NELL2: variants seen among roughly 807,000 people sequenced by gnomAD.
NELL2 encodes neural EGFL like 2, also known as protein kinase C-binding protein NELL2.
A neutral mutation model predicts 109.6 loss-of-function variants in NELL2; 41 were observed. That is an observed-to-expected ratio of 0.37 (90% CI 0.29 to 0.49). NELL2 has a LOEUF of 0.49. NELL2 is among the 20% of genes least tolerant of loss of function. The pLI, the probability that NELL2 is intolerant of heterozygous loss-of-function variation, is 0.98. For missense variants in NELL2, 900 were observed against 1,008.3 expected (o/e 0.89, Z 1.45); for synonymous variants, 355 against 344.7 (o/e 1.03, Z -0.33).
chr12:44,641,298 A>G (rs1463996718), intron 13 of NELL2, among the ~76,000 whole-genome samples: 1 of 152,230 alleles, frequency 6.6e-6, no homozygotes, highest in African/African-American at 2.4e-5. Flanking sequence ...CTTATTATTA[A>G]AAGATTGTAT....
intron 1 of NELL2, among the ~76,000 whole-genome samples, chr12:44,904,581 A>T (rs1024859570): frequency 6.6e-6 from 1 of 152,102 alleles, no homozygotes; most frequent in African/African-American, 2.4e-5. Flanking sequence ...TGAAAAAGAA[A>T]GGCCTTCCTC....
At chr12:44,867,474 T>A (rs1490906470) in intron 2 of NELL2, among the ~76,000 whole-genome samples, 1 of 152,168 alleles carries the variant, frequency 6.6e-6, no homozygotes, top group African/African-American at 2.4e-5. Flanking sequence ...AAGAAATGTA[T>A]CTCAACACAA....
chr12:44,891,008 G>A (rs1164392413), intron 1 of NELL2, among the ~76,000 whole-genome samples: 1 of 152,178 alleles, frequency 6.6e-6, no homozygotes, highest in Non-Finnish European at 1.5e-5. Context: ...AGGACTACAG[G>A]CGTAAGCCAC....
intron 2 of NELL2, among the ~76,000 whole-genome samples, chr12:44,848,598 A>G (rs1164988165): frequency 6.6e-6 from 1 of 152,086 alleles, no homozygotes; most frequent in African/African-American, 2.4e-5. Context: ...AAAGATCTCA[A>G]GTCTTTGTTT....
intron 1 of NELL2, among the ~76,000 whole-genome samples, chr12:44,897,695 T>C (rs1057506819): frequency 1.6e-4 from 25 of 151,914 alleles, no homozygotes; most frequent in African/African-American, 6.0e-4. Flanking sequence ...TGGGCAGCCA[T>C]TTGGGCAGAC....
chr12:44,644,647 T>TAC (rs1244755047), intron 13 of NELL2, among the ~76,000 whole-genome samples: 10 of 136,326 alleles, frequency 7.3e-5, no homozygotes, highest in Non-Finnish European at 1.1e-4. Context: ...TATATATATA[T>TAC]ATACACACAC....
At chr12:44,606,167 G>A (rs183320316) in intron 15 of NELL2, among the ~76,000 whole-genome samples, 1 of 152,266 alleles carries the variant, frequency 6.6e-6, no homozygotes, top group African/African-American at 2.4e-5. Flanking sequence ...ATCTAGTGAT[G>A]TAAGCCCTTT....
At chr12:44,625,094 G>C (rs867598788) in intron 13 of NELL2, among the ~76,000 whole-genome samples, 4 of 147,754 alleles carry the variant, frequency 2.7e-5, no homozygotes, top group Non-Finnish European at 4.5e-5. Flanking sequence ...ATTTATTTTG[G>C]GGATAGGAAA....
chr12:44,727,680 G>A (rs970508411), intron 9 of NELL2, among the ~76,000 whole-genome samples: 6 of 151,968 alleles, frequency 3.9e-5, no homozygotes, highest in South Asian at 2.1e-4. Flanking sequence ...GAGGTATATC[G>A]TATTTTATTC....
At chr12:44,746,775 C>T (rs989519547) in intron 9 of NELL2, among the ~76,000 whole-genome samples, 73 of 152,188 alleles carry the variant, frequency 4.8e-4, no homozygotes, top group African/African-American at 1.5e-3. Flanking sequence ...GTTAGAATGG[C>T]GATCATTAAA....
chr12:44,563,212 T>C (rs2136185135), intron 15 of NELL2, among the ~76,000 whole-genome samples: 1 of 152,104 alleles, frequency 6.6e-6, no homozygotes, highest in South Asian at 2.1e-4. Flanking sequence ...ATACCTAATG[T>C]AGATGACAGG....
chr12:44,795,797 T>C (rs1309712516), intron 3 of NELL2, among the ~76,000 whole-genome samples: 1 of 152,208 alleles, frequency 6.6e-6, no homozygotes, highest in Non-Finnish European at 1.5e-5. Context: ...TCATTTATTA[T>C]AGAAAATTGG....
intron 12 of NELL2, among the ~76,000 whole-genome samples, chr12:44,687,649 G>A (rs1948771058): frequency 6.6e-6 from 1 of 152,198 alleles, no homozygotes; most frequent in African/African-American, 2.4e-5. Flanking sequence ...CTCCAAGCAA[G>A]CAGTTGTTAA....
At chr12:44,514,599 A>G (rs1941169603) in intron 19 of NELL2, among the ~76,000 whole-genome samples, 1 of 151,710 alleles carries the variant, frequency 6.6e-6, no homozygotes, top group Admixed American at 6.6e-5. Flanking sequence ...AGGTATGTAT[A>G]GAAAAAACAT....
chr12:44,637,464 C>T (rs1229065833), intron 13 of NELL2, among the ~76,000 whole-genome samples: 1 of 143,836 alleles, frequency 7.0e-6, no homozygotes, highest in Non-Finnish European at 1.5e-5. Flanking sequence ...AGCTGATACA[C>T]AAATCACAGT....
intron 9 of NELL2, among the ~76,000 whole-genome samples, chr12:44,742,263 G>A (rs912204321): frequency 3.3e-5 from 5 of 152,240 alleles, no homozygotes; most frequent in African/African-American, 9.6e-5. Context: ...TCTGTTGGAA[G>A]GAAAACTAAC....
At chr12:44,884,242 T>C (rs1407474409) in intron 1 of NELL2, among the ~76,000 whole-genome samples, 1 of 151,834 alleles carries the variant, frequency 6.6e-6, no homozygotes, top group Non-Finnish European at 1.5e-5. Context: ...AAGAGGTACA[T>C]TACAGAATAA....
At chr12:44,518,895 T>C (rs551753453) in intron 19 of NELL2, among the ~76,000 whole-genome samples, 2 of 152,374 alleles carry the variant, frequency 1.3e-5, no homozygotes, top group South Asian at 2.1e-4. Flanking sequence ...AATTTGCTAA[T>C]GCATTTCATA....
At chr12:44,662,699 T>C (rs912112662) in intron 13 of NELL2, among the ~76,000 whole-genome samples, 6 of 152,234 alleles carry the variant, frequency 3.9e-5, no homozygotes, top group Non-Finnish European at 7.3e-5. Context: ...GGCTTCTTTA[T>C]TGATCAAAGC....
Sources: allele counts gnomAD v4.1 joint callset (sites outside exome capture counted in the v4.1 genomes callset), GRCh38; gene constraint gnomAD v4.1.1; transcripts MANE v1.5; gene names NCBI Gene and HGNC (gene_info 2026-07-23, HGNC 2026-07-21).